ERI1: variants seen among roughly 807,000 people sequenced by gnomAD.
The protein encoded by ERI1 is 3'-5' exoribonuclease 1.
Under a neutral mutation model 39.7 loss-of-function variants are expected in ERI1, and 39 were observed. The observed-to-expected ratio is 0.98, with a 90% confidence interval of 0.76 to 1.28. The LOEUF (loss-of-function observed/expected upper bound fraction) is 1.28. Ranked by LOEUF, ERI1 falls within the 50% of genes most tolerant of loss-of-function variation. The pLI, the probability that ERI1 is intolerant of heterozygous loss-of-function variation, is 0.00. For missense variants in ERI1, 581 were observed against 416.9 expected, an observed-to-expected ratio of 1.39 and a Z score of -3.43; for synonymous variants, 204 against 149.6, an observed-to-expected ratio of 1.36 and a Z score of -2.65.
In ERI1 at chr8:9,030,809, A is replaced by C. The variant is rs933690476; in HGVS notation, c.*775A>C. The C allele has an allele frequency of 1.3e-5, 2 of 152,166 alleles. No individual in the cohort carries two copies. Among genetic ancestry groups the C allele is most frequent in the African/African-American group, 4.8e-5 (2 of 41,440 alleles). 9.4% of individuals were successfully genotyped at this position (152,166 alleles called of 1,614,324 possible). A position where few individuals can be genotyped will look rare whatever the true frequency, so the allele number is the denominator to read the frequency against. ...CCTTAATTCTTAAATCTGAGGGACC[A>C]TGCTTTGAAATAGACTGAAAATTAA... On this transcript the variant is annotated 3_prime_UTR_variant, in exon 7 of 7. Transcript: ENST00000250263.
chr8:9,030,009 C>T lies in ERI1; in HGVS notation c.1025C>T (p.Pro342Leu). ...TTACCAATAGAGGGCACTCCACCAC[C>T]ACAAATGCCACATTTTAGAAAGTAA... ...SSLPIEGTPP[P>L]QMPHFRK Residue 342 changes from proline (P) to leucine (L), a missense_variant, in exon 7 of 7, where the codon CCA becomes CTA. By Grantham distance (98) the Pro-to-Leu change is moderately conservative (BLOSUM62 -3). Coordinates refer to ENST00000250263, the MANE Select transcript of ERI1 (RefSeq NM_153332.4). 6.2e-7 allele frequency: 1 copy of T among 1,606,446 alleles called. No individual in the cohort carries two copies. Among genetic ancestry groups the T allele is most frequent in the Non-Finnish European group, 8.5e-7 (1 of 1,177,162 alleles).
intron 3 of ERI1, among the ~76,000 whole-genome samples, chr8:9,064,139 G>A (rs973031497): frequency 2.6e-5 from 4 of 151,890 alleles, no homozygotes; most frequent in Middle Eastern, 3.2e-3. Flanking sequence ...ATAAGGGATT[G>A]GGGCACAGAG....
chr8:9,066,384 T>A (rs1292091214), intron 3 of ERI1, among the ~76,000 whole-genome samples: 1 of 152,172 alleles, frequency 6.6e-6, no homozygotes, highest in Non-Finnish European at 1.5e-5. Context: ...ATGTGTTGGA[T>A]AAGAAGAAAG....
intron 6 of ERI1, among the ~76,000 whole-genome samples, chr8:9,023,710 G>A (rs1818167490): frequency 7.0e-6 from 1 of 142,820 alleles, no homozygotes; most frequent in South Asian, 2.2e-4. Flanking sequence ...AAAACTCTCT[G>A]TCACAAGTTT....
At chr8:9,084,906 A>T (rs886367410) in intron 3 of ERI1, among the ~76,000 whole-genome samples, 1 of 152,216 alleles carries the variant, frequency 6.6e-6, no homozygotes, top group African/African-American at 2.4e-5. Context: ...ATTTGTATGA[A>T]TATGATGATT....
chr8:9,012,878 C>G (rs947527270), intron 3 of ERI1, among the ~76,000 whole-genome samples: 1 of 151,994 alleles, frequency 6.6e-6, no homozygotes, highest in Non-Finnish European at 1.5e-5. Flanking sequence ...TTATCTCTTT[C>G]CTTTTCTTCC....
At chr8:9,008,779 A>T (rs925533902) in intron 2 of ERI1, among the ~76,000 whole-genome samples, 1 of 152,218 alleles carries the variant, frequency 6.6e-6, no homozygotes, top group Non-Finnish European at 1.5e-5. Context: ...GGAGTCCAGA[A>T]AAATACATCG....
chr8:9,015,984 G>C (rs913022884), intron 3 of ERI1, among the ~76,000 whole-genome samples: 1 of 152,042 alleles, frequency 6.6e-6, no homozygotes, highest in East Asian at 1.9e-4. Flanking sequence ...TTAAAACTTA[G>C]TATCTTGAAG....
At chr8:9,024,526 T>C (rs1818268631) in intron 6 of ERI1, among the ~76,000 whole-genome samples, 1 of 152,112 alleles carries the variant, frequency 6.6e-6, no homozygotes, top group African/African-American at 2.4e-5. Flanking sequence ...GTTCAATCAA[T>C]TCTCCTGCCT....
chr8:9,044,504 C>A (rs775270894), intron 3 of ERI1, among the ~76,000 whole-genome samples: 3 of 152,040 alleles, frequency 2.0e-5, no homozygotes, highest in African/African-American at 7.2e-5. Flanking sequence ...TGCCAACTAC[C>A]CATCATCAAC....
chr8:9,046,172 T>C (rs1456021427), intron 3 of ERI1, among the ~76,000 whole-genome samples: 1 of 152,218 alleles, frequency 6.6e-6, no homozygotes, highest in Non-Finnish European at 1.5e-5. Flanking sequence ...CCATCGCCAT[T>C]GGTCTTGCTG....
At chr8:9,013,411 G>T (rs1418204307) in intron 3 of ERI1, among the ~76,000 whole-genome samples, 1 of 150,964 alleles carries the variant, frequency 6.6e-6, no homozygotes, top group Non-Finnish European at 1.5e-5. Context: ...AACTTGTTCT[G>T]CTTGATTTTT....
chr8:9,074,546 A>G (rs763437852), intron 3 of ERI1, among the ~76,000 whole-genome samples: 1 of 152,138 alleles, frequency 6.6e-6, no homozygotes, highest in African/African-American at 2.4e-5. Flanking sequence ...GGCTCAAGCA[A>G]TTCTCTGGCC....
chr8:9,011,895 C>T (rs1248179328), intron 3 of ERI1, 143 bp downstream of exon 3: 2 of 549,742 alleles, frequency 3.6e-6, no homozygotes, highest in African/African-American at 1.9e-5. Context: ...TTTATATCAG[C>T]TTGATTAATA....
At chr8:9,060,804 G>A (rs1798668770) in intron 3 of ERI1, among the ~76,000 whole-genome samples, 1 of 152,200 alleles carries the variant, frequency 6.6e-6, no homozygotes, top group Non-Finnish European at 1.5e-5. Flanking sequence ...ATCAGCATAA[G>A]CATTGTCTAG....
Position 9,031,971 on chromosome 8 carries a change from T to A in ERI1, c.*1937T>A, listed in dbSNP as rs1043063089. The A allele has an allele frequency of 4.6e-5, 7 of 152,328 alleles. No individual in the cohort carries two copies. Among genetic ancestry groups the A allele is most frequent in the African/African-American group, 1.7e-4 (7 of 41,448 alleles). The allele number at this position is 152,328 out of a possible 1,614,324, so 9.4% of individuals were successfully genotyped here. A position where few individuals can be genotyped will look rare whatever the true frequency, so the allele number is the denominator to read the frequency against. On this transcript the variant is annotated 3_prime_UTR_variant, in exon 7 of 7. Transcript: ENST00000250263. ...CGGGGTTTCACCATGTTGGTCAGGC[T>A]GGTCTTGAACTCCTGACCTCAAGTG...
intron 6 of ERI1, among the ~76,000 whole-genome samples, chr8:9,026,425 TTCTGTC>T (rs928760843): frequency 6.9e-6 from 1 of 144,296 alleles, no homozygotes; most frequent in Non-Finnish European, 1.5e-5. Context: ...ATCATCATTC[TTCTGTC>T]TCTATCAGTT....
chr8:9,043,572 C>G lies in ERI1; in HGVS notation n.299+23108C>G, dbSNP rs116286648. Among the ~76,000 whole-genome samples the G allele has an allele frequency of 1.9e-3, 287 of 152,312 alleles. 2 individuals are homozygous for G. Among genetic ancestry groups the G allele is most frequent in the African/African-American group, 6.5e-3 (271 of 41,564 alleles). On this transcript the variant is annotated intron_variant and non_coding_transcript_variant, in intron 3 of 3. Coordinates refer to the ERI1 transcript ENST00000518663. ...TGAGATGCAAATAGGCCTAGACTCA[C>G]TTTGGTAGAAACTTTTAAATAGATA...
At chr8:9,093,573 T>C (rs908503076) in intron 3 of ERI1, among the ~76,000 whole-genome samples, 1 of 151,760 alleles carries the variant, frequency 6.6e-6, no homozygotes, top group Non-Finnish European at 1.5e-5. Flanking sequence ...CTTAAGACTG[T>C]TTATTTATTT....
Sources: gnomAD v4.1 joint callset for allele counts (sites outside exome capture counted in the v4.1 genomes callset) on GRCh38, gnomAD v4.1.1 for gene constraint, MANE v1.5 for transcripts, NCBI Gene and HGNC (gene_info 2026-07-23, HGNC 2026-07-21) for gene names.